The following SIPA1L3 variants were observed in gnomAD, a reference collection of about 807,000 sequenced individuals.
SIPA1L3 encodes the protein signal-induced proliferation-associated 1-like protein 3.
SIPA1L3 carries 59 observed loss-of-function variants against 150.1 expected under a neutral mutation model. The ratio of observed to expected loss-of-function variants is 0.39; its 90% CI spans 0.32 to 0.49. The LOEUF is 0.49. SIPA1L3 is among the 20% of genes least tolerant of loss of function. The pLI is 0.86. For missense variants in SIPA1L3, 2,211 were observed against 2,489.5 expected (o/e 0.89, Z 2.38); for synonymous variants, 1,070 against 1,077.6 (o/e 0.99, Z 0.14).
chr19:38,149,401 T>G (rs978248891), intron 12 of SIPA1L3, among the ~76,000 whole-genome samples: 1 of 152,042 alleles, frequency 6.6e-6, no homozygotes, highest in African/African-American at 2.4e-5. Context: ...ACAAAAAAAG[T>G]CTTGTTAACA....
At chr19:38,132,823 T>A (rs956646859) in intron 10 of SIPA1L3, among the ~76,000 whole-genome samples, 4 of 151,890 alleles carry the variant, frequency 2.6e-5, no homozygotes, top group African/African-American at 7.2e-5. Context: ...AAATTTCATA[T>A]TTTTAGTAGA....
rs367724441 is a variant in SIPA1L3, at chr19:38,082,060, C to A, written c.495C>A (p.Pro165=). The change falls in exon 3 of 22, where the codon CCC becomes CCA. Residue 165 remains proline, a synonymous_variant. Transcript: ENST00000222345. ...GGTCCCCCGGCAGGGCCTTCCTCCC[C>A]CTTCGGCACCGCAGCAGCAGCGAGA... ...WPRSPGRAFL[P]LRHRSSSEIT... The A allele has an allele frequency of 2.8e-5, 45 of 1,613,288 alleles. No individual in the cohort carries two copies. Among genetic ancestry groups the A allele is most frequent in the African/African-American group, 4.0e-5 (3 of 74,942 alleles).
intron 2 of SIPA1L3, among the ~76,000 whole-genome samples, chr19:38,068,230 C>T (rs546618932): frequency 3.9e-5 from 6 of 151,952 alleles, no homozygotes; most frequent in East Asian, 1.9e-4. Context: ...GGGGTTTCAC[C>T]GTGTTAGCCA....
chr19:37,991,824 A>G (rs1967516007), intron 1 of SIPA1L3, among the ~76,000 whole-genome samples: 1 of 151,836 alleles, frequency 6.6e-6, no homozygotes, highest in Non-Finnish European at 1.5e-5. Context: ...GGGCATTTGG[A>G]GTTGGGTGTG....
chr19:38,112,353 T>C (rs1335417683), intron 8 of SIPA1L3, among the ~76,000 whole-genome samples: 1 of 152,158 alleles, frequency 6.6e-6, no homozygotes, highest in Non-Finnish European at 1.5e-5. Context: ...AGCCTTCTTA[T>C]GATGCATCAG....
At chr19:38,070,668 A>G (rs1372253524) in intron 2 of SIPA1L3, among the ~76,000 whole-genome samples, 4 of 152,210 alleles carry the variant, frequency 2.6e-5, no homozygotes, top group Non-Finnish European at 5.9e-5. Context: ...AGGGATTTAT[A>G]AGAACATGGT....
intron 2 of SIPA1L3, among the ~76,000 whole-genome samples, chr19:38,053,690 G>A (rs1969252623): frequency 6.6e-6 from 1 of 151,964 alleles, no homozygotes; most frequent in African/African-American, 2.4e-5. Flanking sequence ...CCAAGTAGCT[G>A]GGATCACAGG....
At chr19:38,044,855 G>C (rs992518529) in intron 2 of SIPA1L3, among the ~76,000 whole-genome samples, 4 of 152,074 alleles carry the variant, frequency 2.6e-5, no homozygotes, top group Non-Finnish European at 5.9e-5. Context: ...GCGCCCCCCA[G>C]ACCATTTACT....
intron 1 of SIPA1L3, among the ~76,000 whole-genome samples, chr19:37,968,024 G>A (rs560407279): frequency 3.8e-5 from 5 of 130,294 alleles, no homozygotes; most frequent in Non-Finnish European, 4.8e-5. Flanking sequence ...TAAGTGCTCA[G>A]TAAATGTTAG....
At chr19:37,970,339 C>T (rs1190695570) in intron 1 of SIPA1L3, among the ~76,000 whole-genome samples, 1 of 152,162 alleles carries the variant, frequency 6.6e-6, no homozygotes, top group Non-Finnish European at 1.5e-5. Flanking sequence ...AATTTCACCA[C>T]GTTAAGTGGA....
At chr19:38,029,856 CT>C (rs35091359) in intron 2 of SIPA1L3, among the ~76,000 whole-genome samples, 301 of 120,836 alleles carry the variant, frequency 2.5e-3, no homozygotes, top group Non-Finnish European at 2.7e-3. Flanking sequence ...ACCTCGGCCT[CT>C]TTTTTTTTTT....
chr19:38,105,364 CAA>C (rs879383438), intron 6 of SIPA1L3, among the ~76,000 whole-genome samples: 12 of 111,466 alleles, frequency 1.1e-4, no homozygotes, highest in Admixed American at 1.9e-4. Context: ...AACTCTGTCT[CAA>C]AAAAAAAAAA....
rs541445301 is a variant in SIPA1L3, at chr19:38,047,956, A to G, written c.-311+18800A>G. ...AACCGGCGGTAACTCCACTGTGGTAAAGGATGTGAGGGAAACAGTGACCCA... is the reference window on the plus strand; with the variant it reads ...AACCGGCGGTAACTCCACTGTGGTAGAGGATGTGAGGGAAACAGTGACCCA... On this transcript the variant is annotated intron_variant, in intron 2 of 21. Transcript: ENST00000222345. The surrounding 1 kb of genome is among the most constrained non-coding windows in gnomAD (Gnocchi z 4.7). 6.6e-6 allele frequency among the ~76,000 whole-genome samples: 1 copy of G among 152,260 alleles called. No individual in the cohort carries two copies. The highest frequency in any genetic ancestry group is 1.5e-5 in the Non-Finnish European group (1 of 68,006).
chr19:38,076,135 G>A (rs1445895354), intron 2 of SIPA1L3, among the ~76,000 whole-genome samples: 1 of 151,542 alleles, frequency 6.6e-6, no homozygotes, highest in African/African-American at 2.4e-5. Flanking sequence ...GCAAGGCTCT[G>A]TCTCAAAAAA....
chr19:38,113,134 C>G (rs1600088886), intron 8 of SIPA1L3, among the ~76,000 whole-genome samples: 1 of 151,970 alleles, frequency 6.6e-6, no homozygotes, highest in African/African-American at 2.4e-5. Context: ...TCGCTTGAAC[C>G]CAGGAGGCAG....
At chr19:37,937,417 T>G (rs1327499246) in intron 1 of SIPA1L3, among the ~76,000 whole-genome samples, 1 of 152,050 alleles carries the variant, frequency 6.6e-6, no homozygotes, top group Non-Finnish European at 1.5e-5. Flanking sequence ...TTTATTATTC[T>G]TTGCTTTAAA....
chr19:37,939,399 CAAAA>C (rs753230257), intron 1 of SIPA1L3, among the ~76,000 whole-genome samples: 3 of 69,208 alleles, frequency 4.3e-5, no homozygotes, highest in African/African-American at 6.2e-5. Flanking sequence ...GACTCCATGT[CAAAA>C]AAAAAAAAAA....
chr19:38,026,630 A>T (rs1381907034), intron 1 of SIPA1L3, among the ~76,000 whole-genome samples: 12 of 152,022 alleles, frequency 7.9e-5, no homozygotes, highest in Admixed American at 7.9e-4. Flanking sequence ...ATCTGCCCCC[A>T]CACTCCCCAG....
At chr19:38,177,855 G>A (rs1371949062) in intron 15 of SIPA1L3, among the ~76,000 whole-genome samples, 1 of 152,008 alleles carries the variant, frequency 6.6e-6, no homozygotes, top group African/African-American at 2.4e-5. Context: ...GTGAAACCCC[G>A]TCTCTACTAA....
Sources: allele counts gnomAD v4.1 joint callset (sites outside exome capture counted in the v4.1 genomes callset), GRCh38; gene constraint gnomAD v4.1.1; non-coding constraint Gnocchi (gnomAD v3.1); transcripts MANE v1.5; gene names NCBI Gene and HGNC (gene_info 2026-07-23, HGNC 2026-07-21).